Variants in INTS3 observed in about 807,000 individuals in gnomAD.
The protein encoded by INTS3 is integrator complex subunit 3.
Under a neutral mutation model 146.3 loss-of-function variants are expected in INTS3, and 34 were observed. That is an observed-to-expected ratio of 0.23 (90% CI 0.18 to 0.31). The LOEUF (loss-of-function observed/expected upper bound fraction) is 0.31, where lower values mean the gene tolerates loss of function less well. Ranked by LOEUF, INTS3 falls within the 10% of genes least tolerant of loss-of-function variation. The pLI, the probability that INTS3 is intolerant of heterozygous loss-of-function variation, is 1.00. For synonymous variants in INTS3, 475 were observed against 494.9 expected (o/e 0.96, Z 0.53); for missense variants, 757 against 1,304.2 (o/e 0.58, Z 6.46).
At chr1:153,764,038 T>A in intron 17 of INTS3, 80 bp from the exon 18 acceptor site, 2 of 1,333,810 alleles carry the variant, frequency 1.5e-6, no homozygotes, top group African/African-American at 1.4e-5. Context: ...TGGAAGCAGA[T>A]GAGTTCCAAG....
In INTS3 at chr1:153,728,580, C is replaced by T. The variant is rs1670944910; in HGVS notation, c.-55C>T. 1 of 1,554,836 alleles carries T rather than the reference C, an allele frequency of 6.4e-7. No individual in the cohort carries two copies. The highest frequency in any genetic ancestry group is 8.6e-7 in the Non-Finnish European group (1 of 1,156,142). ...CCTGGCAATCCAGAGATCCCGATAT[C>T]TAGGACTGTCCATCCATCCACTCCC... On this transcript the variant is annotated 5_prime_UTR_variant, in exon 1 of 30. Coordinates refer to ENST00000318967, the MANE Select transcript of INTS3 (RefSeq NM_023015.5).
At position 153,733,134 on chromosome 1, in the gene INTS3, C is replaced by G. The variant is rs1671146388; in HGVS notation, c.150+4350C>G. 2.7e-5 allele frequency among the ~76,000 whole-genome samples: 4 copies of G among 149,210 alleles called. No individual in the cohort carries two copies. The South Asian group carries it at 8.7e-4, about 33-fold the overall frequency. On this transcript the variant is annotated intron_variant, in intron 1 of 29. Transcript: ENST00000318967. The stretch of plus-strand genomic sequence containing the variant: ...GGGATTACAGGAATGAGCCACCGTG[C>G]CGGGCCAGAATTTAGTCTTTTAAGG...
rs1208214408 is a variant in INTS3, at chr1:153,774,614, G to A, written c.*1344G>A. 1 of 158,342 alleles carries A rather than the reference G, an allele frequency of 6.3e-6. No individual in the cohort carries two copies. Among genetic ancestry groups the A allele is most frequent in the Non-Finnish European group, 1.4e-5 (1 of 71,594 alleles). The allele number at this position is 158,342 out of a possible 1,614,324, so 9.8% of individuals were successfully genotyped here. ...CCAGGGAGAATGGAGGTGGACTGAG[G>A]AGTGAAGTTTGGGCGAACTGCACAG... On this transcript the variant is annotated 3_prime_UTR_variant, in exon 30 of 30. Transcript: ENST00000318967.
At chr1:153,747,848 G>A (rs1671806742) in intron 5 of INTS3, 1 of 164,554 alleles carries the variant, frequency 6.1e-6, no homozygotes, top group African/African-American at 2.4e-5. Flanking sequence ...TGACATTTAG[G>A]TTTTATTCTC....
rs1278412032 is a variant in INTS3 at position 153,773,850 on chromosome 1, G to C, written c.*580G>C. 1.8e-5 allele frequency: 3 copies of C among 169,954 alleles called. No homozygotes were observed. The highest frequency in any genetic ancestry group is 7.2e-5 in the African/African-American group (3 of 41,452). 10.5% of individuals were successfully genotyped at this position (169,954 alleles called of 1,614,324 possible). ...AAGCATTCAGAAAGGAGTCTGAAAG[G>C]GTGGCCACAGCCCCACGTGGTGTGC... On this transcript the variant is annotated 3_prime_UTR_variant, in exon 30 of 30. Coordinates refer to ENST00000318967, the MANE Select transcript of INTS3 (RefSeq NM_023015.5).
chr1:153,754,542 A>T (rs1313267954), intron 8 of INTS3, 100 bp from the exon 9 acceptor site: 2 of 826,834 alleles, frequency 2.4e-6, no homozygotes, highest in Admixed American at 3.5e-5. Flanking sequence ...CGTGAGCAAG[A>T]CTACTGGCCA....
At chr1:153,740,831 A>C in intron 2 of INTS3, 97 bp downstream of exon 2, 1 of 945,042 alleles carries the variant, frequency 1.1e-6, no homozygotes, top group Admixed American at 1.7e-5. Flanking sequence ...GGGGTAGGGG[A>C]CTGAAATTCA....
chr1:153,771,998 G>T (rs1419916475), intron 26 of INTS3, 35 bp downstream of exon 26: 1 of 1,584,492 alleles, frequency 6.3e-7, no homozygotes, highest in Non-Finnish European at 8.6e-7. Flanking sequence ...TCCAGGCCAT[G>T]GCGGTCTGCA....
chr1:153,773,009 C>T lies in INTS3; in HGVS notation c.2979C>T (p.Ser993=), dbSNP rs759569705. The change falls in exon 29 of 30, where the codon TCC becomes TCT. Residue 993 remains serine (S), a synonymous_variant. Transcript: ENST00000318967. ...PPKSRRKAAL[S]SPRSRKNATQ... Reference sequence around the variant, plus strand: ...AGAGCCGGCGAAAAGCAGCTCTGTCCAGCCCTCGAAGTCGAAAGAATGCCA... The same window carrying T: ...AGAGCCGGCGAAAAGCAGCTCTGTCTAGCCCTCGAAGTCGAAAGAATGCCA... The T allele has an allele frequency of 3.1e-6, 5 of 1,614,142 alleles. No individual in the cohort carries two copies. The Admixed American group carries it at 5.0e-5, about 16-fold the overall frequency.
In INTS3 at chr1:153,774,364, T is replaced by A. The variant is rs1673054358; in HGVS notation, c.*1094T>A. ...AAACAAGATGCTTCCAAAAGGTCTG[T>A]CATCCTCCAGTTGAAGTCTGTGTGC... On this transcript the variant is annotated 3_prime_UTR_variant, in exon 30 of 30. Coordinates refer to ENST00000318967, the MANE Select transcript of INTS3 (RefSeq NM_023015.5). 1 of 152,298 alleles carries A rather than the reference T, an allele frequency of 6.6e-6. No homozygotes were observed. Among genetic ancestry groups the A allele is most frequent in the Non-Finnish European group, 1.5e-5 (1 of 68,140 alleles). 9.4% of individuals were successfully genotyped at this position (152,298 alleles called of 1,614,324 possible).
At position 153,748,723 on chromosome 1, in the gene INTS3, A is replaced by G; in HGVS notation, c.552A>G (p.Ala184=). The change falls in exon 6 of 30, where the codon GCA becomes GCG. Residue 184 remains alanine, a synonymous_variant. Transcript: ENST00000318967. ...TTACAGCCAAAAATATCTGGTTGGCAGAAAGTGTTCTGGATATCCTGACAG... is the reference window on the plus strand; with the variant it reads ...TTACAGCCAAAAATATCTGGTTGGCGGAAAGTGTTCTGGATATCCTGACAG... ...GDVTAKNIWL[A]ESVLDILTEQ... is the part of the protein sequence containing the mutation. 1 of 1,614,204 alleles carries G rather than the reference A, an allele frequency of 6.2e-7. No homozygotes were observed. Among genetic ancestry groups the G allele is most frequent in the Admixed American group, 1.7e-5 (1 of 60,024 alleles).
intron 13 of INTS3, 47 bp downstream of exon 13, chr1:153,760,965 A>C: frequency 6.3e-7 from 1 of 1,587,920 alleles, no homozygotes; most frequent in Non-Finnish European, 8.6e-7. Flanking sequence ...ATTTTTCATT[A>C]GGTCCAGGTG....
intron 13 of INTS3, 59 bp downstream of exon 13, chr1:153,760,977 A>G (rs1672363141): frequency 1.3e-6 from 2 of 1,580,682 alleles, no homozygotes; most frequent in African/African-American, 1.3e-5. Flanking sequence ...GTCCAGGTGT[A>G]TCCAAATGTT....
chr1:153,742,342 A>G (rs543683940), intron 3 of INTS3, among the ~76,000 whole-genome samples: 2 of 152,342 alleles, frequency 1.3e-5, no homozygotes, highest in South Asian at 4.1e-4. Context: ...AGACAAATGA[A>G]TGTTTCCAGT....
Position 153,772,222 on chromosome 1 carries a change from C to T in INTS3, c.2721-118C>T, listed in dbSNP as rs368349432. On this transcript the variant is annotated intron_variant, in intron 26 of 29. Transcript: ENST00000318967. The surrounding 1 kb of genome is among the most constrained non-coding windows in gnomAD (Gnocchi z 4.6). ...ACCCAACCCCAGCCCTCCCAGGCTG[C>T]CTATCCTGTTCCCCATGTAGGCTGC... 4 of 1,215,362 alleles carry T rather than the reference C, an allele frequency of 3.3e-6. No homozygotes were observed. Among genetic ancestry groups the T allele is most frequent in the Non-Finnish European group, 4.7e-6 (4 of 850,352 alleles). 75.3% of individuals were successfully genotyped at this position (1,215,362 alleles called of 1,614,324 possible). A position where few individuals can be genotyped will look rare whatever the true frequency, so the allele number is the denominator to read the frequency against.
At chr1:153,761,777 CTTCCGTGACA>C in intron 14 of INTS3, 101 bp downstream of exon 14, 2 of 668,720 alleles carry the variant, frequency 3.0e-6, no homozygotes, top group South Asian at 1.8e-5. Context: ...CAGTTCTCCA[CTTCCGTGACA>C]CTGTCCATCA....
intron 11 of INTS3, 32 bp from the exon 12 acceptor site, chr1:153,760,279 T>C (rs1376539801): frequency 1.6e-6 from 2 of 1,259,656 alleles, no homozygotes; most frequent in South Asian, 2.4e-5. Context: ...GACTGACTGA[T>C]GTGAGGGGCT....
rs1261837132 is a variant in INTS3 at position 153,772,604 on chromosome 1, T to C, written c.2822-35T>C. On this transcript the variant is annotated intron_variant, in intron 27 of 29. Transcript: ENST00000318967. This position sits in a 1 kb window ranked among gnomAD's most constrained non-coding sequence, Gnocchi z 4.6. ...TAATAAGCTCCCAGACATCTGATTG[T>C]TTTTCCTTCCCTGCTCTCCCTTTTC... is the stretch of plus-strand genomic sequence containing the variant. 6.2e-7 allele frequency: 1 copy of C among 1,613,904 alleles called. No homozygotes were observed. The highest frequency in any genetic ancestry group is 1.3e-5 in the African/African-American group (1 of 74,904).
Position 153,773,296 on chromosome 1 carries a change from C to T in INTS3, c.*26C>T, listed in dbSNP as rs549302171. On this transcript the variant is annotated 3_prime_UTR_variant, in exon 30 of 30. Transcript: ENST00000318967. ...GGCCCTGCATTCCCCATCCCACCCC[C>T]GGCTGGACTGCCCTCTCCTTCTTGG... The T allele has an allele frequency of 1.4e-5, 23 of 1,594,524 alleles. No homozygotes were observed. The East Asian group carries it at 2.5e-4, about 17-fold the overall frequency.
Sources: gnomAD v4.1 joint callset for allele counts (sites outside exome capture counted in the v4.1 genomes callset) on GRCh38, gnomAD v4.1.1 for gene constraint, Gnocchi (gnomAD v3.1) non-coding constraint, MANE v1.5 for transcripts, NCBI Gene and HGNC (gene_info 2026-07-23, HGNC 2026-07-21) for gene names.